Variants in TRIM37 observed in about 807,000 individuals in gnomAD.
TRIM37 encodes tripartite motif containing 37.
In TRIM37, 80 loss-of-function variants were observed where a neutral mutation model predicts 129.8. The ratio of observed to expected loss-of-function variants is 0.62; its 90% confidence interval spans 0.51 to 0.74. The LOEUF (loss-of-function observed/expected upper bound fraction) is 0.74, where lower values mean the gene tolerates loss of function less well. TRIM37 is among the 30% of genes least tolerant of loss of function. TRIM37 has a pLI of 0.00. For synonymous variants in TRIM37, 389 were observed against 387.1 expected, an observed-to-expected ratio of 1.00 and a Z score of -0.06; for missense variants, 1,054 against 1,176.5, an observed-to-expected ratio of 0.90 and a Z score of 1.52.
chr17:59,001,485 G>GAAGCAA, intron 23 of TRIM37, 113 bp downstream of exon 23: 1 of 1,219,796 alleles, frequency 8.2e-7, no homozygotes, highest in Non-Finnish European at 1.2e-6. Context: ...AGAAGCAGAA[G>GAAGCAA]AAGCAAAAGC....
intron 3 of TRIM37, 131 bp from the exon 4 acceptor site, chr17:59,088,538 A>G: frequency 1.4e-6 from 1 of 689,952 alleles, no homozygotes; most frequent in Middle Eastern, 3.2e-4. Context: ...TTAAGAGATG[A>G]GTCTCACTCT....
chr17:59,099,798 A>G (rs1021128150), intron 2 of TRIM37, among the ~76,000 whole-genome samples: 2 of 151,878 alleles, frequency 1.3e-5, no homozygotes, highest in Non-Finnish European at 2.9e-5. Flanking sequence ...AAATTATAAA[A>G]CTATTTCCTT....
chr17:59,099,336 C>A (rs796186003), intron 2 of TRIM37, among the ~76,000 whole-genome samples: 20 of 151,558 alleles, frequency 1.3e-4, no homozygotes, highest in African/African-American at 4.8e-4. Flanking sequence ...CATTTTTTAT[C>A]TTTTATACTG....
chr17:58,972,257 A>T, the TRIM37 span: 4 of 1,614,092 alleles, frequency 2.5e-6, no homozygotes, highest in Non-Finnish European at 3.4e-6. Context: ...TAATGAAGCC[A>T]CACAAACCAG....
chr17:59,075,781 A>C, intron 7 of TRIM37, 67 bp from the exon 8 acceptor site: 2 of 1,203,004 alleles, frequency 1.7e-6, no homozygotes, highest in Non-Finnish European at 2.5e-6. Context: ...ATTAACTTCC[A>C]ATGAACATAT....
intron 2 of TRIM37, among the ~76,000 whole-genome samples, chr17:59,093,755 T>C (rs2147369527): frequency 6.6e-6 from 1 of 152,338 alleles, no homozygotes; most frequent in South Asian, 2.1e-4. Flanking sequence ...CATTTGCTTA[T>C]ATGGTCCCTC....
At chr17:59,032,276 A>G (rs2145625325) in intron 17 of TRIM37, among the ~76,000 whole-genome samples, 186 bp from the exon 18 acceptor site, 1 of 152,256 alleles carries the variant, frequency 6.6e-6, no homozygotes, top group Non-Finnish European at 1.5e-5. Context: ...CTGTAATCCC[A>G]GCACTTTGGG....
At chr17:59,017,526 G>A in intron 19 of TRIM37, 102 bp from the exon 20 acceptor site, 3 of 1,498,612 alleles carry the variant, frequency 2.0e-6, no homozygotes, top group Non-Finnish European at 2.8e-6. Flanking sequence ...CATGGAAGCT[G>A]TTCTCTCTAC....
At chr17:59,080,050 C>T (rs1489304646) in intron 6 of TRIM37, among the ~76,000 whole-genome samples, 173 bp from the exon 7 acceptor site, 1 of 152,156 alleles carries the variant, frequency 6.6e-6, no homozygotes, top group East Asian at 1.9e-4. Flanking sequence ...ATCAAAAACA[C>T]AAATTTTCTG....
chr17:59,075,788 A>G (rs949781803), intron 7 of TRIM37, 74 bp from the exon 8 acceptor site: 9 of 1,151,222 alleles, frequency 7.8e-6, no homozygotes, highest in African/African-American at 7.6e-5. Context: ...TCCAATGAAC[A>G]TATTTAATAA....
chr17:59,057,269 G>A (rs1164046470), intron 12 of TRIM37, among the ~76,000 whole-genome samples: 2 of 152,180 alleles, frequency 1.3e-5, no homozygotes, highest in Admixed American at 6.5e-5. Flanking sequence ...AGGCTGGAGT[G>A]CAATGGTGCA....
At chr17:59,008,734 T>A (rs943717909) in intron 22 of TRIM37, among the ~76,000 whole-genome samples, 1 of 152,120 alleles carries the variant, frequency 6.6e-6, no homozygotes, top group Non-Finnish European at 1.5e-5. Flanking sequence ...CAAGTCTCTA[T>A]AAAAAATTAA....
intron 19 of TRIM37, among the ~76,000 whole-genome samples, chr17:59,027,699 C>A (rs1764997762): frequency 3.3e-5 from 5 of 152,154 alleles, no homozygotes; most frequent in Admixed American, 3.3e-4. Context: ...AGATTATAAA[C>A]ACCCCTTATT....
At chr17:59,021,782 T>C (rs959555817) in intron 19 of TRIM37, among the ~76,000 whole-genome samples, 1 of 152,276 alleles carries the variant, frequency 6.6e-6, no homozygotes, top group Non-Finnish European at 1.5e-5. Context: ...TGGATTGTTT[T>C]AACACAAAGG....
intron 4 of TRIM37, among the ~76,000 whole-genome samples, chr17:59,087,391 G>A (rs988262777): frequency 8.6e-5 from 13 of 151,100 alleles, no homozygotes; most frequent in African/African-American, 1.5e-4. Flanking sequence ...CACCACACCC[G>A]CCCGAATAGT....
chr17:59,071,202 TAAGC>T (rs2042329637), intron 8 of TRIM37, among the ~76,000 whole-genome samples: 1 of 152,084 alleles, frequency 6.6e-6, no homozygotes, highest in Non-Finnish European at 1.5e-5. Context: ...AATGAGGTTT[TAAGC>T]AAGTACAAAT....
rs559376517 is a variant in TRIM37, at chr17:59,079,958, T to C, written c.493-81A>G. 19 of 1,479,566 alleles carry C rather than the reference T, an allele frequency of 1.3e-5. No individual in the cohort carries two copies. In the African/African-American group the frequency reaches 1.8e-4, roughly 14 times the overall value. 91.7% of individuals were successfully genotyped at this position (1,479,566 alleles called of 1,614,324 possible). ...CACCACATTATAATATTGCCAAGAA[T>C]AGATAATATGAAAAAGGTAGTTAGA... On this transcript the variant is annotated intron_variant, in intron 6 of 23. Transcript: ENST00000262294.
rs761240454 is a variant in TRIM37 at position 59,049,285 on chromosome 17, A to C, written c.1423T>G (p.Ser475Ala). 1.2e-6 allele frequency: 2 copies of C among 1,614,144 alleles called. No individual in the cohort carries two copies. Among genetic ancestry groups the C allele is most frequent in the South Asian group, 2.2e-5 (2 of 91,086 alleles). The change falls in exon 15 of 24, where the codon TCT becomes GCT. Residue 475 changes from serine (S) to alanine (A), a missense_variant. Physicochemically the swap from Ser to Ala is moderately conservative, Grantham distance 99. Coordinates refer to ENST00000262294, the MANE Select transcript of TRIM37 (RefSeq NM_015294.6). Reference sequence around the variant, plus strand: ...TCGAGAAGCATGTCAGAGCATGCAGACTTCTTAGCTCGTGTCTCCAGAGCA... The same window carrying C: ...TCGAGAAGCATGTCAGAGCATGCAGCCTTCTTAGCTCGTGTCTCCAGAGCA... ...DDALETRAKK[S>A]ACSDMLLEGG...
chr17:58,990,178 CAAAAAAAA>C (rs35076409), intron 24 of TRIM37, among the ~76,000 whole-genome samples: 1 of 25,618 alleles, frequency 3.9e-5, no homozygotes, highest in African/African-American at 1.7e-4. Flanking sequence ...GACCTTGTCT[CAAAAAAAA>C]AAAAAAAAAA....
Sources: gnomAD v4.1 joint callset for allele counts (sites outside exome capture counted in the v4.1 genomes callset) on GRCh38, gnomAD v4.1.1 for gene constraint, MANE v1.5 for transcripts, NCBI Gene and HGNC (gene_info 2026-07-23, HGNC 2026-07-21) for gene names.